The following DPYSL2 variants were observed in gnomAD, a reference collection of about 807,000 sequenced individuals.
DPYSL2 encodes dihydropyrimidinase like 2, also known as dihydropyrimidinase-related protein 2.
A neutral mutation model predicts 69.9 loss-of-function variants in DPYSL2; 13 were observed. The observed-to-expected ratio is 0.19, with a 90% confidence interval of 0.12 to 0.30. The LOEUF (loss-of-function observed/expected upper bound fraction) is 0.30, where lower values mean the gene tolerates loss of function less well. DPYSL2 is among the 10% of genes least tolerant of loss of function. The pLI is 1.00. For synonymous variants in DPYSL2, 326 were observed against 359.1 expected, an observed-to-expected ratio of 0.91 and a Z score of 1.04; for missense variants, 587 against 918.9, an observed-to-expected ratio of 0.64 and a Z score of 4.67.
chr8:26,622,143 TTCCTTCCTTCCTTCC>T (rs1563413327), intron 3 of DPYSL2, among the ~76,000 whole-genome samples: 15 of 54,228 alleles, frequency 2.8e-4, no homozygotes, highest in East Asian at 1.0e-3. Flanking sequence ...CCTTCCTTCC[TTCCTTCCTTCCTTCC>T]CTCTCTCTCT....
intron 1 of DPYSL2, chr8:26,578,437 G>A: frequency 6.6e-7 from 1 of 1,514,284 alleles, no homozygotes; most frequent in South Asian, 1.3e-5. Context: ...GATGGTGATG[G>A]TGGTGGTGGT....
rs755441240 is a variant in DPYSL2 at position 26,624,154 on chromosome 8, G to A, written c.640G>A (p.Val214Ile). Residue 214 changes from valine (V) to isoleucine (I), a missense_variant, in exon 4 of 14, where the codon GTT becomes ATT. By Grantham distance (29) the Val-to-Ile change is conservative. Transcript: ENST00000521913. The surrounding 1 kb of genome is among the most constrained non-coding windows in gnomAD (Gnocchi z 4.7). ...GGTTMIIDHVVPEPGTSLLAA... is the reference protein window; with the variant it reads ...GGTTMIIDHVIPEPGTSLLAA... ...CTGTTTCTTTCTAGTTGACCACGTTGTTCCTGAGCCTGGGACAAGCCTGCT... is the reference window on the plus strand; with the variant it reads ...CTGTTTCTTTCTAGTTGACCACGTTATTCCTGAGCCTGGGACAAGCCTGCT... The A allele has an allele frequency of 5.0e-6, 8 of 1,614,192 alleles. No individual in the cohort carries two copies. The highest frequency in any genetic ancestry group is 6.8e-6 in the Non-Finnish European group (8 of 1,180,022).
In DPYSL2 at chr8:26,557,623, C is replaced by CAAAAAAAA. The variant is rs56215906; in HGVS notation, c.355-24334_355-24327dup. Among the ~76,000 whole-genome samples the CAAAAAAAA allele has an allele frequency of 1.2e-3, 92 of 74,304 alleles. 3 individuals are homozygous for CAAAAAAAA. Among genetic ancestry groups the CAAAAAAAA allele is most frequent in the South Asian group, 4.9e-3 (7 of 1,422 alleles). 48.7% of individuals were successfully genotyped at this position (74,304 alleles called of 152,430 possible). A position where few individuals can be genotyped will look rare whatever the true frequency, so the allele number is the denominator to read the frequency against. Reference sequence around the variant, plus strand: ...CAAAACCCTGTCTCTACTAAAAATACAAAAAAAAAAAAAAAAAAAGCCAGG... The same window carrying CAAAAAAAA: ...CAAAACCCTGTCTCTACTAAAAATACAAAAAAAAAAAAAAAAAAAAAAAAAAAGCCAGG... On this transcript the variant is annotated intron_variant, in intron 1 of 13. Coordinates refer to ENST00000521913, the MANE Select transcript of DPYSL2 (RefSeq NM_001197293.3).
intron 1 of DPYSL2, among the ~76,000 whole-genome samples, chr8:26,529,475 C>T (rs1197303825): frequency 1.3e-5 from 2 of 151,906 alleles, no homozygotes; most frequent in Non-Finnish European, 2.9e-5. Context: ...TACCACCACA[C>T]CTGGCTCATT....
chr8:26,616,036 G>A (rs942960969), intron 3 of DPYSL2, among the ~76,000 whole-genome samples: 3 of 152,028 alleles, frequency 2.0e-5, no homozygotes, highest in South Asian at 2.1e-4. Context: ...ATATTCCCTC[G>A]TTTACAACAC....
intron 1 of DPYSL2, among the ~76,000 whole-genome samples, chr8:26,536,847 G>A (rs1322122673): frequency 6.6e-6 from 1 of 151,480 alleles, no homozygotes; most frequent in African/African-American, 2.4e-5. Flanking sequence ...AATAATGAAG[G>A]GCAAGATTCT....
chr8:26,617,733 A>G lies in DPYSL2; in HGVS notation c.629-6410A>G, dbSNP rs1376947484. Among the ~76,000 whole-genome samples, 2 of 152,222 alleles carry G rather than the reference A, an allele frequency of 1.3e-5. No individual in the cohort carries two copies. The highest frequency in any genetic ancestry group is 4.8e-5 in the African/African-American group (2 of 41,446). On this transcript the variant is annotated intron_variant, in intron 3 of 13. Transcript: ENST00000521913. The surrounding 1 kb of genome is among the most constrained non-coding windows in gnomAD (Gnocchi z 4.7). ...TGACGACATGATGCCAAGTGAAAGC[A>G]GACAGACGCACAAGACTACATCTTT...
chr8:26,643,449 G>A lies in DPYSL2; in HGVS notation c.1137G>A (p.Val379=). The A allele has an allele frequency of 2.5e-6, 4 of 1,594,112 alleles. No homozygotes were observed. The highest frequency in any genetic ancestry group is 2.3e-5 in the South Asian group (2 of 86,312). Residue 379 remains valine (V), a synonymous_variant, in exon 9 of 14, where the codon GTG becomes GTA. Transcript: ENST00000521913. The surrounding 1 kb of genome is among the most constrained non-coding windows in gnomAD (Gnocchi z 6.5). ...TGTTCTGTTTGTCAGGAACTGTGGTGTATGGCGAGCCCATCACTGCCAGCT... is the reference window on the plus strand; with the variant it reads ...TGTTCTGTTTGTCAGGAACTGTGGTATATGGCGAGCCCATCACTGCCAGCT... ...IAQARKKGTV[V]YGEPITASLG...
intron 3 of DPYSL2, among the ~76,000 whole-genome samples, chr8:26,613,287 T>C (rs1051941036): frequency 1.3e-5 from 2 of 152,234 alleles, no homozygotes; most frequent in Admixed American, 1.3e-4. Context: ...TCTCCTTCCC[T>C]ACCCACAGTC....
At position 26,620,401 on chromosome 8, in the gene DPYSL2, C is replaced by T. The variant is rs1802454109; in HGVS notation, c.629-3742C>T. 6.6e-6 allele frequency among the ~76,000 whole-genome samples: 1 copy of T among 152,062 alleles called. No homozygotes were observed. The highest frequency in any genetic ancestry group is 6.5e-5 in the Admixed American group (1 of 15,270). On this transcript the variant is annotated intron_variant, in intron 3 of 13. Transcript: ENST00000521913. This position sits in a 1 kb window ranked among gnomAD's most constrained non-coding sequence, Gnocchi z 4.5. ...CCTCCTGAGTAGCTGGGATTACAGG[C>T]ACCTGCCACCACACCCAGTTAATTT... is the stretch of plus-strand genomic sequence containing the variant.
chr8:26,535,638 T>A (rs910110720), intron 1 of DPYSL2, among the ~76,000 whole-genome samples: 17 of 147,922 alleles, frequency 1.1e-4, no homozygotes, highest in African/African-American at 2.9e-4. Context: ...TATATATATT[T>A]TTTTTTTCAG....
chr8:26,553,376 C>T (rs1563383690), intron 1 of DPYSL2, among the ~76,000 whole-genome samples: 3 of 151,902 alleles, frequency 2.0e-5, no homozygotes, highest in African/African-American at 4.8e-5. Flanking sequence ...TCTCCCTCCT[C>T]CCACCCTCCA....
chr8:26,578,124 C>A (rs1801402366), intron 1 of DPYSL2: 2 of 1,547,238 alleles, frequency 1.3e-6, no homozygotes, highest in Non-Finnish European at 1.7e-6. Context: ...GCAAGACCAG[C>A]GAAGCGGTTG....
chr8:26,589,737 C>T (rs1390813750), intron 3 of DPYSL2, among the ~76,000 whole-genome samples: 1 of 152,252 alleles, frequency 6.6e-6, no homozygotes, highest in Non-Finnish European at 1.5e-5. Context: ...ACAGCTCCCT[C>T]TGTCTGGGCT....
intron 3 of DPYSL2, chr8:26,623,783 T>G (rs1802554864): frequency 4.7e-6 from 1 of 212,922 alleles, no homozygotes; most frequent in Non-Finnish European, 9.4e-6. Context: ...CATAAGCTGC[T>G]TTCAACACAA....
At chr8:26,577,775 C>G (rs1448276762) in intron 1 of DPYSL2, 4 of 988,606 alleles carry the variant, frequency 4.0e-6, no homozygotes, top group South Asian at 4.5e-5. Context: ...CGTTCACTGC[C>G]GCATTTCGCG....
chr8:26,514,819 C>A lies in DPYSL2; in HGVS notation c.354+140C>A. ...ATCTGCACGCGCACCCCGCCCTACC[C>A]GCCCCTTCTCCGCGCAGGGTGCGGC... On this transcript the variant is annotated intron_variant, in intron 1 of 13. Transcript: ENST00000521913. This position sits in a 1 kb window ranked among gnomAD's most constrained non-coding sequence, Gnocchi z 8.4. 4 of 782,372 alleles carry A rather than the reference C, an allele frequency of 5.1e-6. No individual in the cohort carries two copies. The highest frequency in any genetic ancestry group is 7.4e-6 in the Non-Finnish European group (4 of 543,792). The allele number at this position is 782,372 out of a possible 1,614,324, so 48.5% of individuals were successfully genotyped here. A position where few individuals can be genotyped will look rare whatever the true frequency, so the allele number is the denominator to read the frequency against.
Position 26,614,785 on chromosome 8 carries a change from G to A in DPYSL2, c.629-9358G>A, listed in dbSNP as rs922720711. Among the ~76,000 whole-genome samples the A allele has an allele frequency of 1.3e-5, 2 of 152,240 alleles. No homozygotes were observed. Among genetic ancestry groups the A allele is most frequent in the African/African-American group, 2.4e-5 (1 of 41,468 alleles). On this transcript the variant is annotated intron_variant, in intron 3 of 13. Coordinates refer to ENST00000521913, the MANE Select transcript of DPYSL2 (RefSeq NM_001197293.3). This position sits in a 1 kb window ranked among gnomAD's most constrained non-coding sequence, Gnocchi z 4.9. Reference sequence around the variant, plus strand: ...AAAGGAGAGGGCTACTCAAGTGCCTGAAGGTCCGAGCAGTGAAGAACATGT... The same window carrying A: ...AAAGGAGAGGGCTACTCAAGTGCCTAAAGGTCCGAGCAGTGAAGAACATGT...
At chr8:26,515,733 C>T (rs957763419) in intron 1 of DPYSL2, among the ~76,000 whole-genome samples, 1 of 152,242 alleles carries the variant, frequency 6.6e-6, no homozygotes, top group Non-Finnish European at 1.5e-5. Flanking sequence ...AATGTTTTAA[C>T]ACGTTTTCCG....
Sources: allele counts gnomAD v4.1 joint callset (sites outside exome capture counted in the v4.1 genomes callset), GRCh38; gene constraint gnomAD v4.1.1; non-coding constraint Gnocchi (gnomAD v3.1); transcripts MANE v1.5; gene names NCBI Gene and HGNC (gene_info 2026-07-23, HGNC 2026-07-21).